Variants in KAZN observed in about 807,000 individuals in gnomAD.
The protein encoded by KAZN is kazrin.
A neutral mutation model predicts 87.4 loss-of-function variants in KAZN; 40 were observed. The observed-to-expected ratio is 0.46, with a 90% CI of 0.36 to 0.60. KAZN has a LOEUF of 0.60. KAZN is among the 20% of genes least tolerant of loss of function. The pLI, the probability that KAZN is intolerant of heterozygous loss-of-function variation, is 0.00. For synonymous variants in KAZN, 466 were observed against 458.3 expected (o/e 1.02, Z -0.22); for missense variants, 898 against 1,073.9 (o/e 0.84, Z 2.29).
intron 1 of KAZN, among the ~76,000 whole-genome samples, chr1:14,076,934 G>T (rs574917613): frequency 2.6e-5 from 4 of 152,274 alleles, no homozygotes; most frequent in Admixed American, 2.6e-4. Flanking sequence ...GTTGTGCAGA[G>T]GAGGACTGTC....
intron 2 of KAZN, among the ~76,000 whole-genome samples, chr1:14,339,168 C>T (rs528456823): frequency 1.3e-5 from 2 of 152,198 alleles, no homozygotes; most frequent in Non-Finnish European, 2.9e-5. Flanking sequence ...GGAAATAACA[C>T]AGAAAGAAAG....
At chr1:13,998,357 C>A (rs1018989591) in intron 1 of KAZN, among the ~76,000 whole-genome samples, 1 of 152,196 alleles carries the variant, frequency 6.6e-6, no homozygotes, top group Non-Finnish European at 1.5e-5. Context: ...ATGACAGGAT[C>A]AAATTCACAC....
chr1:14,932,296 G>A (rs1218751580), intron 1 of KAZN, among the ~76,000 whole-genome samples: 1 of 145,032 alleles, frequency 6.9e-6, no homozygotes, highest in Non-Finnish European at 1.5e-5. Context: ...CGGGCGTGAT[G>A]CCGTTCAGGT....
chr1:14,687,008 G>C (rs1297673611), intron 1 of KAZN, among the ~76,000 whole-genome samples: 4 of 152,168 alleles, frequency 2.6e-5, no homozygotes, highest in African/African-American at 9.7e-5. Flanking sequence ...AGGAGGGCTA[G>C]ATCCATAACA....
intron 1 of KAZN, among the ~76,000 whole-genome samples, chr1:14,947,417 G>A (rs184490347): frequency 6.6e-6 from 1 of 152,344 alleles, no homozygotes; most frequent in East Asian, 1.9e-4. Context: ...GGGGAGGGGA[G>A]GAGATTGTTG....
At chr1:13,925,081 C>A (rs1640221854) in intron 1 of KAZN, among the ~76,000 whole-genome samples, 2 of 152,180 alleles carry the variant, frequency 1.3e-5, no homozygotes, top group Admixed American at 1.3e-4. Context: ...CACTCCATAT[C>A]CCCAGATTCC....
intron 1 of KAZN, among the ~76,000 whole-genome samples, chr1:13,982,170 T>C (rs1299658042): frequency 1.3e-5 from 2 of 152,218 alleles, no homozygotes; most frequent in African/African-American, 4.8e-5. Flanking sequence ...TCCTGGGCTC[T>C]GCTCAGGCGG....
chr1:14,700,964 C>A (rs1641888435), intron 1 of KAZN, among the ~76,000 whole-genome samples: 1 of 152,138 alleles, frequency 6.6e-6, no homozygotes, highest in Non-Finnish European at 1.5e-5. Flanking sequence ...TTCAGAGGAG[C>A]AATGTGAGTG....
At position 14,506,854 on chromosome 1, in the gene KAZN, G is replaced by A. The variant is rs144177001; in HGVS notation, c.250-92129G>A. ...GCCAAGATTAAATAGGAAAAGATAC[G>A]GTGGCTACCGATTGGACTTGACAGT... is the stretch of plus-strand genomic sequence containing the variant. On this transcript the variant is annotated intron_variant, in intron 2 of 16. Transcript: ENST00000636203. Among the ~76,000 whole-genome samples, 27 of 152,264 alleles carry A rather than the reference G, an allele frequency of 1.8e-4. No individual in the cohort carries two copies. The East Asian group carries it at 4.3e-3, about 24-fold the overall frequency.
intron 2 of KAZN, among the ~76,000 whole-genome samples, chr1:14,553,597 T>C (rs750066034): frequency 2.0e-5 from 3 of 152,160 alleles, no homozygotes; most frequent in Non-Finnish European, 4.4e-5. Flanking sequence ...ACCAGGGCCA[T>C]GCGGCTAGTG....
intron 1 of KAZN, among the ~76,000 whole-genome samples, chr1:14,162,743 A>G (rs765506433): frequency 2.0e-5 from 3 of 151,736 alleles, no homozygotes; most frequent in Middle Eastern, 3.4e-3. Flanking sequence ...ACGTGGTTTC[A>G]CCGTGTTAGC....
At chr1:15,033,251 C>CT (rs1671916450) in intron 2 of KAZN, among the ~76,000 whole-genome samples, 1 of 152,078 alleles carries the variant, frequency 6.6e-6, no homozygotes, top group South Asian at 2.1e-4. Flanking sequence ...AATGGCCCTC[C>CT]TTGTTTTTAT....
chr1:14,183,000 C>T (rs140384471), intron 2 of KAZN, among the ~76,000 whole-genome samples: 170 of 152,216 alleles, frequency 1.1e-3, no homozygotes, highest in African/African-American at 3.9e-3. Flanking sequence ...CAGTTCCATA[C>T]CCACAGGGCC....
chr1:14,040,095 G>C (rs1641742958), intron 1 of KAZN, among the ~76,000 whole-genome samples: 2 of 145,998 alleles, frequency 1.4e-5, no homozygotes, highest in South Asian at 4.3e-4. Context: ...GTGTGTGAGA[G>C]AGAGAGAGAC....
intron 1 of KAZN, among the ~76,000 whole-genome samples, chr1:14,728,948 T>G (rs911879675): frequency 1.3e-5 from 2 of 152,166 alleles, no homozygotes; most frequent in African/African-American, 4.8e-5. Flanking sequence ...AGCAGGCCGT[T>G]TTAGAACCTT....
At chr1:14,033,872 T>C (rs1641430479) in intron 1 of KAZN, among the ~76,000 whole-genome samples, 1 of 152,206 alleles carries the variant, frequency 6.6e-6, no homozygotes, top group Admixed American at 6.5e-5. Context: ...AGGCTCAGAA[T>C]TTGTAAAGGG....
At position 14,883,357 on chromosome 1, in the gene KAZN, A is replaced by AGGG. The variant is rs1215092332; in HGVS notation, c.227-77327_227-77326insGGG. On this transcript the variant is annotated intron_variant, in intron 1 of 14. Transcript: ENST00000376030. ...GAGAGAGAGAGAAAGAAAGAAAGAA[A>AGGG]AGAAAGAAAGAAAGAAAGAAAGAAA... 1.7e-4 allele frequency among the ~76,000 whole-genome samples: 7 copies of AGGG among 40,054 alleles called. 1 individual carries two copies. The highest frequency in any genetic ancestry group is 5.6e-4 in the African/African-American group (7 of 12,568). The allele number at this position is 40,054 out of a possible 152,430, so 26.3% of individuals were successfully genotyped here.
intron 2 of KAZN, among the ~76,000 whole-genome samples, chr1:14,383,150 A>C (rs961758769): frequency 6.6e-6 from 1 of 151,902 alleles, no homozygotes; most frequent in South Asian, 2.1e-4. Context: ...TCCTTCATCC[A>C]CTTTTTGATG....
chr1:13,912,884 CTG>C (rs1639705183), intron 1 of KAZN, among the ~76,000 whole-genome samples: 1 of 152,216 alleles, frequency 6.6e-6, no homozygotes, highest in Admixed American at 6.5e-5. Flanking sequence ...GCATGAGCCA[CTG>C]TGCCTGGCCC....
Sources: gnomAD v4.1 joint callset for allele counts (sites outside exome capture counted in the v4.1 genomes callset) on GRCh38, gnomAD v4.1.1 for gene constraint, MANE v1.5 for transcripts, NCBI Gene and HGNC (gene_info 2026-07-23, HGNC 2026-07-21) for gene names.